Variants in LSM1 observed in about 807,000 individuals in gnomAD.
LSM1 encodes the protein LSM1 homolog, mRNA degradation associated, also known as U6 snRNA-associated Sm-like protein LSm1.
LSM1 carries 13 observed loss-of-function variants against 18.0 expected under a neutral mutation model. The observed-to-expected ratio is 0.72, with a 90% CI of 0.47 to 1.15. The LOEUF (loss-of-function observed/expected upper bound fraction) is 1.15, where lower values mean the gene tolerates loss of function less well. LSM1 is among the 50% of genes most tolerant of loss of function. The pLI is 0.00. For synonymous variants in LSM1, 46 were observed against 56.0 expected (o/e 0.82, Z 0.80); for missense variants, 152 against 157.7 (o/e 0.96, Z 0.19).
At chr8:38,172,213 T>G (rs1327794931) in intron 1 of LSM1, among the ~76,000 whole-genome samples, 180 bp from the exon 2 acceptor site, 1 of 150,558 alleles carries the variant, frequency 6.6e-6, no homozygotes, top group African/African-American at 2.4e-5. Flanking sequence ...ACATCAGTAG[T>G]GAAAAGAATC....
At chr8:38,176,208 G>C (rs948049857) in intron 1 of LSM1, 67 bp downstream of exon 1, 5 of 1,423,342 alleles carry the variant, frequency 3.5e-6, no homozygotes, top group Non-Finnish European at 4.9e-6. Flanking sequence ...AGCTTCTTCG[G>C]AAGAGGCGCC....
At chr8:38,166,416 T>C (rs1209023078) in intron 3 of LSM1, among the ~76,000 whole-genome samples, 2 of 152,214 alleles carry the variant, frequency 1.3e-5, no homozygotes, top group Admixed American at 1.3e-4. Context: ...TATAAACATT[T>C]GCTAACCAAT....
intron 3 of LSM1, among the ~76,000 whole-genome samples, chr8:38,167,340 A>AT (rs1189486521): frequency 6.6e-6 from 1 of 152,200 alleles, no homozygotes; most frequent in East Asian, 1.9e-4. Context: ...AAACAGAAGC[A>AT]TATCTGTGAA....
At chr8:38,176,067 C>T in intron 1 of LSM1, 1 of 484,336 alleles carries the variant, frequency 2.1e-6, no homozygotes, top group Non-Finnish European at 3.7e-6. Flanking sequence ...CTGGCGGAGG[C>T]TGCGAGGGGC....
At chr8:38,176,593 AGAGGAAAC>A, upstream of LSM1, 1 of 567,388 alleles carries the variant, frequency 1.8e-6, no homozygotes. Context: ...TAAGTAGGTA[AGAGGAAAC>A]TCCATTGGAT....
intron 3 of LSM1, among the ~76,000 whole-genome samples, chr8:38,168,858 AAT>A (rs1487125764): frequency 6.6e-6 from 1 of 152,076 alleles, no homozygotes; most frequent in South Asian, 2.1e-4. Flanking sequence ...AGCTATTTCC[AAT>A]ATGAGGTCTC....
chr8:38,165,120 G>A (rs537756904), intron 3 of LSM1, among the ~76,000 whole-genome samples: 10 of 152,094 alleles, frequency 6.6e-5, no homozygotes, highest in South Asian at 4.2e-4. Flanking sequence ...AAGCCGAGGC[G>A]GGCAGATCAC....
intron 3 of LSM1, among the ~76,000 whole-genome samples, chr8:38,168,151 T>A (rs1242339335): frequency 1.3e-5 from 2 of 151,534 alleles, no homozygotes; most frequent in African/African-American, 4.8e-5. Flanking sequence ...TTAATAGGGA[T>A]GGGGTTTCAC....
chr8:38,170,974 C>T (rs1349638123), intron 2 of LSM1: 2 of 427,118 alleles, frequency 4.7e-6, no homozygotes, highest in Non-Finnish European at 9.5e-6. Context: ...CCAGTGATTT[C>T]GCAGATATCC....
chr8:38,163,336 C>G (rs1802872056), downstream of LSM1: 1 of 197,394 alleles, frequency 5.1e-6, no homozygotes, highest in Non-Finnish European at 1.0e-5. Flanking sequence ...AATAACATGA[C>G]ACTTTTGAGA....
At chr8:38,176,500 A>C (rs1585645983), upstream of LSM1, 2 of 588,148 alleles carry the variant, frequency 3.4e-6, no homozygotes, top group African/African-American at 1.9e-5. Flanking sequence ...TATTACCCTT[A>C]CCCACTTCCT....
intron 3 of LSM1, among the ~76,000 whole-genome samples, chr8:38,165,482 ATTAAC>A (rs1802913333): frequency 6.6e-6 from 1 of 152,088 alleles, no homozygotes; most frequent in Admixed American, 6.6e-5. Context: ...AGTATGGAGG[ATTAAC>A]ATTTTGATAA....
chr8:38,167,784 T>A (rs879561480), intron 3 of LSM1, among the ~76,000 whole-genome samples: 1 of 152,082 alleles, frequency 6.6e-6, no homozygotes, highest in Non-Finnish European at 1.5e-5. Flanking sequence ...CACAGTGGCA[T>A]GTACCTATAG....
At chr8:38,168,692 A>G (rs528191931) in intron 3 of LSM1, among the ~76,000 whole-genome samples, 12 of 151,940 alleles carry the variant, frequency 7.9e-5, no homozygotes, top group Admixed American at 2.6e-4. Flanking sequence ...AAAATATTTT[A>G]TAAGAAAAAT....
upstream of LSM1, chr8:38,176,700 C>T (rs1319714351): frequency 2.4e-6 from 2 of 841,400 alleles, no homozygotes; most frequent in Non-Finnish European, 3.4e-6. Flanking sequence ...CACTGACCTC[C>T]GTCCCTCAGC....
Position 38,176,294 on chromosome 8 carries a change from G to A in LSM1, c.27C>T (p.Ser9=), listed in dbSNP as rs373206411. ...ACTCACTGTCAATGTCCTCGATGAG[G>A]CTGGCGGTGCCAGGCATATAGTTCA... MNYMPGTA[S]LIEDIDKKHL... Residue 9 remains serine, a synonymous_variant, in exon 1 of 4, where the codon AGC becomes AGT. Coordinates refer to ENST00000311351, the MANE Select transcript of LSM1 (RefSeq NM_014462.3). The A allele has an allele frequency of 2.5e-6, 4 of 1,613,578 alleles. No individual in the cohort carries two copies. Among genetic ancestry groups the A allele is most frequent in the African/African-American group, 2.7e-5 (2 of 75,070 alleles).
At chr8:38,176,693 T>A, upstream of LSM1, 2 of 782,970 alleles carry the variant, frequency 2.6e-6, no homozygotes, top group Non-Finnish European at 3.8e-6. Flanking sequence ...CCAGAGTCAC[T>A]GACCTCCGTC....
chr8:38,171,985 A>C lies in LSM1; in HGVS notation c.95T>G (p.Leu32Ter). Residue 32 changes from leucine (L) to a stop codon, truncating the protein, a stop_gained, in exon 2 of 4, where the codon TTA (leucine) becomes TGA (stop). Coordinates refer to ENST00000311351, the MANE Select transcript of LSM1 (RefSeq NM_014462.3). LOFTEE classifies it high-confidence loss of function. ...CATACCAAATTGATCAATGCTTCTTAAAAAGCCTATAAGTGTCCTTCCATC... is the reference window on the plus strand; with the variant it reads ...CATACCAAATTGATCAATGCTTCTTCAAAAGCCTATAAGTGTCCTTCCATC... The part of the protein sequence containing the change: ...LRDGRTLIGF[L>*]RSIDQFANLV... 1 of 1,611,588 alleles carries C rather than the reference A, an allele frequency of 6.2e-7. No homozygotes were observed. Among genetic ancestry groups the C allele is most frequent in the Non-Finnish European group, 8.5e-7 (1 of 1,178,914 alleles).
chr8:38,174,700 A>G (rs894995835), intron 1 of LSM1, among the ~76,000 whole-genome samples: 8 of 152,274 alleles, frequency 5.3e-5, no homozygotes, highest in South Asian at 2.1e-4. Flanking sequence ...TTTCCCTTAC[A>G]TAGCACAATA....
Sources: allele counts gnomAD v4.1 joint callset (sites outside exome capture counted in the v4.1 genomes callset), GRCh38; gene constraint gnomAD v4.1.1; transcripts MANE v1.5; gene names NCBI Gene and HGNC (gene_info 2026-07-23, HGNC 2026-07-21).